The following CER1 variants were observed in gnomAD, a reference collection of about 807,000 sequenced individuals.
CER1 encodes the protein cerberus 1, DAN family BMP antagonist.
Under a neutral mutation model 11.8 loss-of-function variants are expected in CER1, and 10 were observed. That is an observed-to-expected ratio of 0.85 (90% CI 0.52 to 1.44). The LOEUF is 1.44. Among genes scored for constraint, CER1 ranks in the 40% most tolerant of loss-of-function variants. The pLI is 0.00. For missense variants in CER1, 431 were observed against 327.0 expected, an observed-to-expected ratio of 1.32 and a Z score of -2.45; for synonymous variants, 141 against 122.3, an observed-to-expected ratio of 1.15 and a Z score of -1.01.
chr9:14,719,504 AGCCTGCCTCCCTGCCTGCCTGCGTGCCT>A (rs1438581667), downstream of CER1, among the ~76,000 whole-genome samples: 1 of 151,788 alleles, frequency 6.6e-6, no homozygotes, highest in African/African-American at 2.4e-5. Context: ...TATTTCACGT[AGCCTGCCTCCCTGCCTGCCTGCGTGCCT>A]GCCTGCCTGC....
At chr9:14,722,023 A>C (rs1192667517) in intron 1 of CER1, 143 bp downstream of exon 1, 4 of 952,566 alleles carry the variant, frequency 4.2e-6, no homozygotes, top group Non-Finnish European at 6.2e-6. Context: ...ATCTTTGCCA[A>C]ATCCTATGAT....
chr9:14,722,175 G>A lies in CER1; in HGVS notation c.498C>T (p.Pro166=). ...CCCCCAGAACACATACCTGGCTGAA[G>A]GGCACTGTCCTGCAGGTCTCCCAAT... ...EVHWETCRTV[P]FSQTITHEGC... is the part of the protein sequence containing the mutation. The change falls in exon 1 of 2, where the codon CCC becomes CCT. Residue 166 remains proline, a synonymous_variant. Coordinates refer to ENST00000380911, the MANE Select transcript of CER1 (RefSeq NM_005454.3). 1 of 1,613,054 alleles carries A rather than the reference G, an allele frequency of 6.2e-7. No homozygotes were observed. Among genetic ancestry groups the A allele is most frequent in the South Asian group, 1.1e-5 (1 of 90,924 alleles).
chr9:14,719,565 T>TGCCTGCCTGCCTG (rs1839977886), downstream of CER1, among the ~76,000 whole-genome samples: 1 of 46,126 alleles, frequency 2.2e-5, no homozygotes, highest in African/African-American at 1.0e-4. Context: ...CTGCCTGCCT[T>TGCCTGCCTGCCTG]CCTTCCTTCC....
Position 14,722,305 on chromosome 9 carries a change from T to A in CER1, c.368A>T (p.Lys123Ile). 2 of 1,614,208 alleles carry A rather than the reference T, an allele frequency of 1.2e-6. No individual in the cohort carries two copies. Among genetic ancestry groups the A allele is most frequent in the Non-Finnish European group, 1.7e-6 (2 of 1,180,042 alleles). The change falls in exon 1 of 2, where the codon AAA becomes ATA. Residue 123 changes from lysine (K) to isoleucine (I), a missense_variant. Transcript: ENST00000380911. Reference protein sequence around the residue: ...IQPIDGMKMEKSPLREEAKKF... With the variant: ...IQPIDGMKMEISPLREEAKKF... ...CTTGGCTTCTTCCCGAAGAGGAGAT[T>A]TCTCCATTTTCATTCCATCTATCGG...
chr9:14,720,442 T>C (rs1456088502), intron 1 of CER1, 56 bp from the exon 2 acceptor site: 2 of 1,491,160 alleles, frequency 1.3e-6, no homozygotes, highest in South Asian at 1.2e-5. Flanking sequence ...TTAACACACA[T>C]AATGCAGAAG....
In CER1 at chr9:14,722,682, G is replaced by A. The variant is rs1563781650; in HGVS notation, c.-10C>T. ...ATAAGAGGAGATGCATGCTGTCAGG[G>A]GCCCAAGCTTCTTTTGTAAATGATG... On this transcript the variant is annotated 5_prime_UTR_variant, in exon 1 of 2. Transcript: ENST00000380911. The A allele has an allele frequency of 1.3e-6, 2 of 1,582,426 alleles. No homozygotes were observed. The highest frequency in any genetic ancestry group is 1.7e-6 in the Non-Finnish European group (2 of 1,173,802).
downstream of CER1, among the ~76,000 whole-genome samples, chr9:14,718,736 C>G (rs1839966885): frequency 6.6e-6 from 1 of 152,044 alleles, no homozygotes; most frequent in African/African-American, 2.4e-5. Flanking sequence ...AAAAAGCAGT[C>G]TGGCTGGGAA....
chr9:14,718,505 T>C (rs1283942194), downstream of CER1, among the ~76,000 whole-genome samples: 1 of 152,200 alleles, frequency 6.6e-6, no homozygotes, highest in African/African-American at 2.4e-5. Flanking sequence ...CTCACATTCA[T>C]GTTGATGTGT....
At position 14,722,704 on chromosome 9, in the gene CER1, G is replaced by C. The variant is rs753065016; in HGVS notation, c.-32C>G. The C allele has an allele frequency of 2.1e-5, 33 of 1,567,556 alleles. No individual in the cohort carries two copies. The Admixed American group carries it at 2.7e-4, about 13-fold the overall frequency. ...AGGGGCCCAAGCTTCTTTTGTAAAT[G>C]ATGAGGCCCAAAGGAGAGGCTCATT... On this transcript the variant is annotated 5_prime_UTR_variant, in exon 1 of 2. The change creates a new upstream start codon in the 5' untranslated region. Transcript: ENST00000380911.
downstream of CER1, among the ~76,000 whole-genome samples, chr9:14,718,174 A>G (rs1839960134): frequency 6.6e-6 from 1 of 152,196 alleles, no homozygotes; most frequent in African/African-American, 2.4e-5. Context: ...GCAGACCAAA[A>G]TTTGAATAAA....
chr9:14,720,051 T>A lies in CER1; in HGVS notation c.*39A>T, dbSNP rs375033603. ...ACTGAATAATCAGCATCTTTGCTGT[T>A]GTGGTTTTGCTTTTCAAAGGTAATA... On this transcript the variant is annotated 3_prime_UTR_variant, in exon 2 of 2. Coordinates refer to ENST00000380911, the MANE Select transcript of CER1 (RefSeq NM_005454.3). 6.3e-7 allele frequency: 1 copy of A among 1,581,544 alleles called. No homozygotes were observed. The highest frequency in any genetic ancestry group is 1.3e-5 in the African/African-American group (1 of 74,282).
intron 1 of CER1, 48 bp from the exon 2 acceptor site, chr9:14,720,434 A>G: frequency 6.5e-7 from 1 of 1,526,976 alleles, no homozygotes; most frequent in Non-Finnish European, 9.0e-7. Flanking sequence ...TTATTTCTTT[A>G]ACACACATAA....
At chr9:14,722,144 G>A in intron 1 of CER1, 22 bp downstream of exon 1, 2 of 1,598,848 alleles carry the variant, frequency 1.3e-6, no homozygotes, top group Non-Finnish European at 8.5e-7. Flanking sequence ...ACTCTTACCT[G>A]CTCTCCCCCC....
At position 14,720,216 on chromosome 9, in the gene CER1, A is replaced by G; in HGVS notation, c.678T>C (p.Leu226=). 1 of 1,614,164 alleles carries G rather than the reference A, an allele frequency of 6.2e-7. No individual in the cohort carries two copies. Among genetic ancestry groups the G allele is most frequent in the African/African-American group, 1.3e-5 (1 of 75,052 alleles). ...TMHLPLNCTE[L]SSVIKVVMLV... ...GCATCACCACCTTGATCACGGAGGA[A>G]AGTTCAGTGCAGTTCAGTGGCAAGT... Residue 226 remains leucine (L), a synonymous_variant, in exon 2 of 2, where the codon CTT becomes CTC. Transcript: ENST00000380911.
At position 14,719,887 on chromosome 9, in the gene CER1, G is replaced by A. The variant is rs1392285668; in HGVS notation, c.*203C>T. 2.1e-5 allele frequency: 12 copies of A among 562,286 alleles called. No homozygotes were observed. Among genetic ancestry groups the A allele is most frequent in the Non-Finnish European group, 3.2e-5 (10 of 315,702 alleles). 34.8% of individuals were successfully genotyped at this position (562,286 alleles called of 1,614,324 possible). ...TTTACAACTTAACATTCTACGGCTA[G>A]TTAGTGGCAGAGCTGAGACAAGGTC... On this transcript the variant is annotated 3_prime_UTR_variant, in exon 2 of 2. Transcript: ENST00000380911.
downstream of CER1, among the ~76,000 whole-genome samples, chr9:14,719,333 C>T (rs10961682): frequency 9.6e-3 from 1,464 of 152,186 alleles, 10 homozygotes; most frequent in Non-Finnish European, 0.017. Context: ...AAGTCAGAGA[C>T]CTGACATTAA....
downstream of CER1, chr9:14,719,587 C>CTTCCTTCCTTCT (rs1587561399): frequency 7.3e-5 from 10 of 136,512 alleles, no homozygotes; most frequent in East Asian, 4.2e-4. Flanking sequence ...TCCTTCCTTC[C>CTTCCTTCCTTCT]TTCCTTCCTT....
At position 14,720,017 on chromosome 9, in the gene CER1, C is replaced by T; in HGVS notation, c.*73G>A. The T allele has an allele frequency of 6.9e-7, 1 of 1,453,834 alleles. No individual in the cohort carries two copies. Among genetic ancestry groups the T allele is most frequent in the Non-Finnish European group, 9.5e-7 (1 of 1,047,290 alleles). The allele number at this position is 1,453,834 out of a possible 1,614,324, so 90.1% of individuals were successfully genotyped here. A position where few individuals can be genotyped will look rare whatever the true frequency, so the allele number is the denominator to read the frequency against. ...CTGAAAATGTTATGTACCCACTTAA[C>T]ATTTTCAGACTGAATAATCAGCATC... On this transcript the variant is annotated 3_prime_UTR_variant, in exon 2 of 2. Coordinates refer to ENST00000380911, the MANE Select transcript of CER1 (RefSeq NM_005454.3).
Position 14,722,588 on chromosome 9 carries a change from A to G in CER1, c.85T>C (p.Ser29Pro). 1.9e-6 allele frequency: 3 copies of G among 1,612,754 alleles called. No individual in the cohort carries two copies. The highest frequency in any genetic ancestry group is 1.1e-5 in the South Asian group (1 of 91,074). The change falls in exon 1 of 2, where the codon TCT becomes CCT. Residue 29 changes from serine to proline, a missense_variant. Ser to Pro is a moderately conservative substitution (Grantham distance 74). Transcript: ENST00000380911. ...RHQDGRQNQS[S>P]LSPVLLPRNQ... is the part of the protein sequence containing the mutation. ...CTTGGCAGGAGTACGGGGGAAAGAG[A>G]ACTCTGATTCTGGCGGCCATCCTGG...
Sources: gnomAD v4.1 joint callset for allele counts (sites outside exome capture counted in the v4.1 genomes callset) on GRCh38, gnomAD v4.1.1 for gene constraint, MANE v1.5 for transcripts, NCBI Gene and HGNC (gene_info 2026-07-23, HGNC 2026-07-21) for gene names.